ZFX: variants seen among roughly 807,000 people sequenced by gnomAD.
ZFX encodes the protein zinc finger X-chromosomal protein.
For synonymous variants in ZFX, 196 were observed against 226.8 expected (o/e 0.86, Z 1.22); for missense variants, 362 against 628.3 (o/e 0.58, Z 4.53).
At chrX:24,167,401 A>C (rs1335984894) in intron 3 of ZFX, among the ~76,000 whole-genome samples, 1 of 111,658 alleles carries the variant, frequency 9.0e-6, no homozygotes, top group Non-Finnish European at 1.9e-5. Context: ...CTGGACCCTC[A>C]TCTACAAGTA....
chrX:24,180,980 G>C (rs1156481017), intron 5 of ZFX, among the ~76,000 whole-genome samples: 4 of 112,087 alleles, frequency 3.6e-5, no homozygotes, highest in Non-Finnish European at 1.9e-5. Flanking sequence ...GCTAGGCCAC[G>C]GTTCTGACCC....
At chrX:24,200,193 T>C (rs900137175) in intron 5 of ZFX, among the ~76,000 whole-genome samples, 3 of 110,609 alleles carry the variant, frequency 2.7e-5, no homozygotes, top group Non-Finnish European at 5.7e-5. Context: ...CTAGGTGAAG[T>C]AAGAAGTAAG....
intron 4 of ZFX, 27 bp downstream of exon 4, chrX:24,172,827 C>A: frequency 8.6e-7 from 1 of 1,167,366 alleles, no homozygotes. Context: ...TGTTCCACTT[C>A]CCATCTACCA....
At chrX:24,172,561 A>G (rs985902413) in intron 3 of ZFX, among the ~76,000 whole-genome samples, 154 bp from the exon 4 acceptor site, 3 of 112,471 alleles carry the variant, frequency 2.7e-5, no homozygotes, top group Non-Finnish European at 5.6e-5. Flanking sequence ...ATTGTAAATC[A>G]AGTAAGTTCT....
At chrX:24,164,226 A>T (rs1933771747) in intron 3 of ZFX, among the ~76,000 whole-genome samples, 1 of 111,174 alleles carries the variant, frequency 9.0e-6, no homozygotes, top group Non-Finnish European at 1.9e-5. Context: ...GGCGTATTTC[A>T]AACCTGCCCC....
intron 5 of ZFX, among the ~76,000 whole-genome samples, chrX:24,197,885 A>G (rs1244776331): frequency 8.9e-6 from 1 of 112,049 alleles, no homozygotes; most frequent in Non-Finnish European, 1.9e-5. Flanking sequence ...CCATGGACCA[A>G]CATTTTCAAG....
intron 5 of ZFX, among the ~76,000 whole-genome samples, chrX:24,193,012 A>G (rs1412179655): frequency 9.2e-6 from 1 of 108,615 alleles, no homozygotes; most frequent in East Asian, 2.9e-4. Context: ...TGTTTCTTTT[A>G]TACTTCCAAA....
upstream of ZFX, chrX:24,149,638 C>T (rs1302577189): frequency 9.0e-6 from 1 of 110,679 alleles, no homozygotes; most frequent in East Asian, 2.9e-4. Context: ...TGACGGCGGG[C>T]CCGTGCCGGG....
intron 3 of ZFX, among the ~76,000 whole-genome samples, chrX:24,157,250 G>A (rs1310474020): frequency 8.9e-6 from 1 of 111,992 alleles, no homozygotes; most frequent in African/African-American, 3.2e-5. Flanking sequence ...TTGTGAATAG[G>A]ATTTTCTTTT....
rs559681166 is a variant in ZFX at position 24,164,843 on chromosome X, G to A, written c.-28-7872G>A. Reference sequence around the variant, plus strand: ...ATGCCAGCTACTTTTGGGAGGCTGAGGTAGGAGAATTGCTTGAACCTGGGA... The same window carrying A: ...ATGCCAGCTACTTTTGGGAGGCTGAAGTAGGAGAATTGCTTGAACCTGGGA... On this transcript the variant is annotated intron_variant, in intron 3 of 9. Transcript: ENST00000304543. 4.1e-4 allele frequency among the ~76,000 whole-genome samples: 45 copies of A among 109,121 alleles called. No individual in the cohort carries two copies. In the South Asian group the frequency reaches 0.018, roughly 43 times the overall value. 94.8% of individuals were successfully genotyped at this position (109,121 alleles called of 115,157 possible).
intron 3 of ZFX, among the ~76,000 whole-genome samples, chrX:24,172,319 G>C (rs1934702263): frequency 8.9e-6 from 1 of 112,172 alleles, no homozygotes; most frequent in African/African-American, 3.2e-5. Flanking sequence ...GGTTACCCTT[G>C]TGGGAACATG....
intron 5 of ZFX, among the ~76,000 whole-genome samples, chrX:24,205,654 A>G (rs1286792992): frequency 9.0e-6 from 1 of 111,704 alleles, no homozygotes; most frequent in Non-Finnish European, 1.9e-5. Flanking sequence ...CAGGAATTTG[A>G]GACCAGCCTG....
chrX:24,208,091 C>A, intron 7 of ZFX, 127 bp from the exon 8 acceptor site: 1 of 923,190 alleles, frequency 1.1e-6, no homozygotes. Context: ...TACGTGAAAG[C>A]TATGTTCTAG....
intron 5 of ZFX, among the ~76,000 whole-genome samples, chrX:24,195,355 AT>A (rs751175753): frequency 0.084 from 7,014 of 83,816 alleles, 518 homozygotes; most frequent in East Asian, 0.47. Flanking sequence ...CACCGTGCCA[AT>A]TTTTTTTTTT....
rs2148098132 is a variant in ZFX at position 24,214,573 on chromosome X, CT to C, written c.*3200del. On this transcript the variant is annotated 3_prime_UTR_variant, in exon 10 of 10. Transcript: ENST00000304543. Reference sequence around the variant, plus strand: ...CAGTGGAATGCAAAGTGCTTGATTGCTTTGAATTTTGTGACTCGGATGCAAA... The same window carrying C: ...CAGTGGAATGCAAAGTGCTTGATTGCTTGAATTTTGTGACTCGGATGCAAA... 8.9e-6 allele frequency: 1 copy of C among 112,235 alleles called. No homozygotes were observed. Among genetic ancestry groups the C allele is most frequent in the African/African-American group, 3.2e-5 (1 of 30,860 alleles). 9.2% of individuals were successfully genotyped at this position (112,235 alleles called of 1,213,427 possible).
intron 5 of ZFX, among the ~76,000 whole-genome samples, chrX:24,188,501 A>T (rs956844785): frequency 1.8e-5 from 2 of 111,381 alleles, no homozygotes; most frequent in African/African-American, 3.3e-5. Flanking sequence ...AGGCAGAGAG[A>T]TGTGAGACAT....
intron 7 of ZFX, 65 bp downstream of exon 7, chrX:24,207,920 T>C: frequency 9.0e-7 from 1 of 1,115,021 alleles, no homozygotes; most frequent in Admixed American, 2.5e-5. Flanking sequence ...TGGCCAGTGT[T>C]TGAAATAAGT....
rs916764104 is a variant in ZFX, at chrX:24,214,763, C to T, written c.*3387C>T. On this transcript the variant is annotated 3_prime_UTR_variant, in exon 10 of 10. Transcript: ENST00000304543. ...TCTCCAATTCCCCTGAGATAAATTA[C>T]TCATGCATAAAGTGGTTTTTGAGAG... The T allele has an allele frequency of 1.8e-5, 2 of 111,946 alleles. No homozygotes were observed. The highest frequency in any genetic ancestry group is 3.8e-5 in the Non-Finnish European group (2 of 53,226). 9.2% of individuals were successfully genotyped at this position (111,946 alleles called of 1,213,427 possible). A position where few individuals can be genotyped will look rare whatever the true frequency, so the allele number is the denominator to read the frequency against.
intron 3 of ZFX, among the ~76,000 whole-genome samples, chrX:24,155,518 A>G (rs934502926): frequency 8.9e-6 from 1 of 112,069 alleles, no homozygotes; most frequent in Non-Finnish European, 1.9e-5. Context: ...ATCCTTATAC[A>G]TGGTTTGTCT....
Sources: allele counts gnomAD v4.1 joint callset (sites outside exome capture counted in the v4.1 genomes callset), GRCh38; gene constraint gnomAD v4.1.1; transcripts MANE v1.5; gene names NCBI Gene and HGNC (gene_info 2026-07-23, HGNC 2026-07-21).